The following ALDH1L1 variants were observed in gnomAD, a reference collection of about 807,000 sequenced individuals.
ALDH1L1 encodes the protein aldehyde dehydrogenase 1 family member L1.
Under a neutral mutation model 101.1 loss-of-function variants are expected in ALDH1L1, and 68 were observed. The observed-to-expected ratio is 0.67, with a 90% CI of 0.55 to 0.82. ALDH1L1 has a LOEUF of 0.82. ALDH1L1 is among the 40% of genes least tolerant of loss of function. ALDH1L1 has a pLI of 0.00. For synonymous variants in ALDH1L1, 486 were observed against 470.8 expected, an observed-to-expected ratio of 1.03 and a Z score of -0.42; for missense variants, 1,087 against 1,172.7, an observed-to-expected ratio of 0.93 and a Z score of 1.07.
At chr3:126,112,718 C>T in intron 19 of ALDH1L1, 64 bp downstream of exon 19, 6 of 1,485,512 alleles carry the variant, frequency 4.0e-6, no homozygotes, top group South Asian at 3.4e-5. Flanking sequence ...TCCTCCAACC[C>T]CCTCCAGCCA....
chr3:126,168,177 A>T (rs1204061350), intron 1 of ALDH1L1, among the ~76,000 whole-genome samples: 1 of 152,188 alleles, frequency 6.6e-6, no homozygotes, highest in Non-Finnish European at 1.5e-5. Flanking sequence ...TAATTCTGCA[A>T]ATAAAACTCT....
At chr3:126,112,909 C>G (rs370181910) in intron 18 of ALDH1L1, 29 bp from the exon 19 acceptor site, 24 of 1,603,318 alleles carry the variant, frequency 1.5e-5, no homozygotes, top group African/African-American at 4.0e-5. Context: ...AACACCAGGT[C>G]ACTGCTCCTC....
intron 1 of ALDH1L1, among the ~76,000 whole-genome samples, chr3:126,187,587 C>T (rs530172759): frequency 1.8e-4 from 27 of 152,194 alleles, no homozygotes; most frequent in Middle Eastern, 3.4e-3. Context: ...CGAAACTGCG[C>T]GTTTGAGACC....
intron 14 of ALDH1L1, among the ~76,000 whole-genome samples, chr3:126,125,975 T>C (rs1037505470): frequency 1.3e-5 from 2 of 152,094 alleles, no homozygotes; most frequent in African/African-American, 2.4e-5. Flanking sequence ...CCATTTCTGA[T>C]GGAAGCTGTG....
chr3:126,170,813 C>T (rs955654773), intron 1 of ALDH1L1, among the ~76,000 whole-genome samples: 2 of 152,168 alleles, frequency 1.3e-5, no homozygotes, highest in Non-Finnish European at 2.9e-5. Context: ...CTTCTAACTA[C>T]AAGCAGCCAG....
chr3:126,126,371 T>C lies in ALDH1L1; in HGVS notation c.1695-650A>G, dbSNP rs563368716. 5.3e-5 allele frequency among the ~76,000 whole-genome samples: 8 copies of C among 152,250 alleles called. No homozygotes were observed. In the South Asian group the frequency reaches 1.7e-3, roughly 32 times the overall value. On this transcript the variant is annotated intron_variant, in intron 14 of 22. Coordinates refer to ENST00000393434, the MANE Select transcript of ALDH1L1 (RefSeq NM_012190.4). The stretch of plus-strand genomic sequence containing the variant: ...CCTGTGTGGCCCTGCCTTCCCCCCA[T>C]ACAGCACCACTTTGGTTGAGCGCTG...
intron 20 of ALDH1L1, 34 bp from the exon 21 acceptor site, chr3:126,107,280 A>C: frequency 6.4e-7 from 1 of 1,553,086 alleles, no homozygotes; most frequent in Non-Finnish European, 8.9e-7. Flanking sequence ...TGCACATGGG[A>C]GACACGGTGC....
chr3:126,158,684 C>A, intron 2 of ALDH1L1, 45 bp from the exon 3 acceptor site: 1 of 1,559,534 alleles, frequency 6.4e-7, no homozygotes, highest in Non-Finnish European at 8.8e-7. Flanking sequence ...CATAACCCAC[C>A]CACACGCAGC....
chr3:126,135,381 C>A, intron 12 of ALDH1L1, 154 bp downstream of exon 12: 2 of 984,634 alleles, frequency 2.0e-6, no homozygotes, highest in South Asian at 1.9e-5. Context: ...AGGCAAGGAG[C>A]CCCAGCCTGG....
At chr3:126,145,595 C>G (rs903659350) in intron 9 of ALDH1L1, among the ~76,000 whole-genome samples, 1 of 152,222 alleles carries the variant, frequency 6.6e-6, no homozygotes, top group African/African-American at 2.4e-5. Flanking sequence ...AGGACAAATG[C>G]TGCATGATTC....
chr3:126,160,678 G>C (rs1214544744), intron 2 of ALDH1L1, among the ~76,000 whole-genome samples, 175 bp downstream of exon 2: 1 of 152,324 alleles, frequency 6.6e-6, no homozygotes, highest in East Asian at 1.9e-4. Flanking sequence ...TTCCAGAAAA[G>C]CCCAGCAGCC....
At chr3:126,143,211 T>C (rs568060710) in intron 9 of ALDH1L1, among the ~76,000 whole-genome samples, 9 of 152,344 alleles carry the variant, frequency 5.9e-5, no homozygotes, top group Non-Finnish European at 1.3e-4. Flanking sequence ...ACTGAATTCG[T>C]ATCATGTTCA....
At chr3:126,169,353 G>A (rs1305773358) in intron 1 of ALDH1L1, among the ~76,000 whole-genome samples, 1 of 152,120 alleles carries the variant, frequency 6.6e-6, no homozygotes, top group African/African-American at 2.4e-5. Flanking sequence ...CATTCTTAAA[G>A]GACAACACTA....
At chr3:126,106,576 T>C (rs1443522220) in intron 21 of ALDH1L1, among the ~76,000 whole-genome samples, 1 of 152,122 alleles carries the variant, frequency 6.6e-6, no homozygotes, top group African/African-American at 2.4e-5. Context: ...TCTGGGATTC[T>C]AAAGAGCTAG....
rs1946020223 is a variant in ALDH1L1 at position 126,109,897 on chromosome 3, C to A, written c.2347+47G>T. 6 of 1,603,296 alleles carry A rather than the reference C, an allele frequency of 3.7e-6. No individual in the cohort carries two copies. The African/African-American group carries it at 5.3e-5, about 14-fold the overall frequency. ...GGACAGGGAACCAGAGGCCATGGGA[C>A]CTGCTGCCTCAATTGACCCAAGCGG... On this transcript the variant is annotated intron_variant, in intron 20 of 22. Transcript: ENST00000393434.
At chr3:126,178,616 C>T (rs1300638620) in intron 1 of ALDH1L1, among the ~76,000 whole-genome samples, 1 of 152,044 alleles carries the variant, frequency 6.6e-6, no homozygotes, top group Non-Finnish European at 1.5e-5. Context: ...AAAATAAATA[C>T]TTGAAAATCA....
chr3:126,184,344 C>A (rs938379210), upstream of ALDH1L1, among the ~76,000 whole-genome samples: 1 of 152,252 alleles, frequency 6.6e-6, no homozygotes, highest in African/African-American at 2.4e-5. Flanking sequence ...CTGACCCCAA[C>A]CTTCTCCTTG....
chr3:126,181,356 C>A, upstream of ALDH1L1: 1 of 331,600 alleles, frequency 3.0e-6, no homozygotes, highest in Non-Finnish European at 5.8e-6. Flanking sequence ...TGCTCCGTGC[C>A]CTGCTAAGCC....
chr3:126,125,555 G>T, intron 15 of ALDH1L1, 61 bp downstream of exon 15: 1 of 1,324,958 alleles, frequency 7.5e-7, no homozygotes, highest in South Asian at 1.8e-5. Flanking sequence ...CTCCCTTATA[G>T]AGTGAGTTCC....
Sources: allele counts gnomAD v4.1 joint callset (sites outside exome capture counted in the v4.1 genomes callset), GRCh38; gene constraint gnomAD v4.1.1; transcripts MANE v1.5; gene names NCBI Gene and HGNC (gene_info 2026-07-23, HGNC 2026-07-21).